IGDCC3: variants seen among roughly 807,000 people sequenced by gnomAD.
The protein encoded by IGDCC3 is immunoglobulin superfamily DCC subclass member 3, also known as putative neuronal cell adhesion molecule.
In IGDCC3, 47 loss-of-function variants were observed where a neutral mutation model predicts 72.0. The observed-to-expected ratio is 0.65, with a 90% CI of 0.52 to 0.83. IGDCC3 has a LOEUF of 0.83. IGDCC3 is among the 40% of genes least tolerant of loss of function. The pLI, the probability that IGDCC3 is intolerant of heterozygous loss-of-function variation, is 0.00. For missense variants in IGDCC3, 1,038 were observed against 1,091.3 expected, an observed-to-expected ratio of 0.95 and a Z score of 0.69; for synonymous variants, 477 against 472.8, an observed-to-expected ratio of 1.01 and a Z score of -0.11.
At chr15:65,345,747 A>G (rs74349146) in intron 2 of IGDCC3, among the ~76,000 whole-genome samples, 2,656 of 152,298 alleles carry the variant, frequency 0.017, 77 homozygotes, top group African/African-American at 0.06. Context: ...AAAGGCCATC[A>G]AGGGGCAAAG....
At chr15:65,368,160 TCACACACACACACACACACA>T (rs57451250) in intron 2 of IGDCC3, among the ~76,000 whole-genome samples, 10 of 146,212 alleles carry the variant, frequency 6.8e-5, no homozygotes, top group South Asian at 2.2e-4. Flanking sequence ...TCTCTTTCAC[TCACACACACACACACACACA>T]CACACACACA....
At chr15:65,364,989 T>G (rs562433355) in intron 2 of IGDCC3, among the ~76,000 whole-genome samples, 1 of 152,256 alleles carries the variant, frequency 6.6e-6, no homozygotes, top group East Asian at 1.9e-4. Flanking sequence ...AGTGAGGCAC[T>G]GGGGAAGGCC....
At chr15:65,336,966 C>T (rs2091035146) in intron 2 of IGDCC3, among the ~76,000 whole-genome samples, 1 of 152,144 alleles carries the variant, frequency 6.6e-6, no homozygotes, top group South Asian at 2.1e-4. Flanking sequence ...CCCCTCGTCT[C>T]AGGCACTCCA....
At chr15:65,357,642 G>C (rs2091233628) in intron 2 of IGDCC3, among the ~76,000 whole-genome samples, 1 of 152,220 alleles carries the variant, frequency 6.6e-6, no homozygotes, top group South Asian at 2.1e-4. Context: ...CCAAGCACTA[G>C]TAGTGACAGT....
At chr15:65,330,829 C>T (rs2090970703) in intron 9 of IGDCC3, 88 bp from the exon 10 acceptor site, 3 of 1,216,600 alleles carry the variant, frequency 2.5e-6, no homozygotes, top group Non-Finnish European at 2.3e-6. Context: ...CCCCCAAAAG[C>T]CTGACAGCCC....
chr15:65,335,443 T>G (rs773943464), intron 3 of IGDCC3, 22 bp from the exon 4 acceptor site: 1 of 1,594,984 alleles, frequency 6.3e-7, no homozygotes. Flanking sequence ...AGGGACATAG[T>G]TGGCCACCAG....
intron 2 of IGDCC3, among the ~76,000 whole-genome samples, chr15:65,366,113 C>T (rs1168638105): frequency 6.2e-4 from 93 of 149,162 alleles, no homozygotes; most frequent in Non-Finnish European, 1.0e-4. Context: ...GAGGCTGAGG[C>T]AGGAGACTCA....
rs1237094382 is a variant in IGDCC3 at position 65,333,435 on chromosome 15, G to A, written c.824-20C>T. On this transcript the variant is annotated intron_variant, in intron 5 of 13. Transcript: ENST00000327987. Reference sequence around the variant, plus strand: ...GACCATCTGCAGAGGAAGGGGAGGGGGGATGGGTGAGGGTCAGATAGAGAT... The same window carrying A: ...GACCATCTGCAGAGGAAGGGGAGGGAGGATGGGTGAGGGTCAGATAGAGAT... 1.3e-6 allele frequency: 2 copies of A among 1,581,512 alleles called. No individual in the cohort carries two copies. Among genetic ancestry groups the A allele is most frequent in the African/African-American group, 1.4e-5 (1 of 73,716 alleles).
chr15:65,355,689 T>G (rs1238279685), intron 2 of IGDCC3: 1 of 364,492 alleles, frequency 2.7e-6, no homozygotes, highest in Admixed American at 3.3e-5. Context: ...ATAGCAATAG[T>G]GTCCGCGCTG....
chr15:65,376,644 T>G (rs1331047252), intron 1 of IGDCC3, among the ~76,000 whole-genome samples: 2 of 123,000 alleles, frequency 1.6e-5, no homozygotes, highest in African/African-American at 3.2e-5. Flanking sequence ...GAAGATGTAA[T>G]GTTTTAAGAC....
At chr15:65,365,267 T>C (rs754045873) in intron 2 of IGDCC3, among the ~76,000 whole-genome samples, 5 of 152,018 alleles carry the variant, frequency 3.3e-5, no homozygotes, top group Non-Finnish European at 5.9e-5. Context: ...CTTGTGTCTC[T>C]CTCACGGTGG....
chr15:65,367,209 G>GGT (rs559285273), intron 2 of IGDCC3, among the ~76,000 whole-genome samples: 368 of 152,192 alleles, frequency 2.4e-3, no homozygotes, highest in Non-Finnish European at 4.0e-3. Flanking sequence ...AGCCAGGTGT[G>GGT]GTGGTGCATG....
At chr15:65,337,275 C>T (rs771156591) in intron 2 of IGDCC3, among the ~76,000 whole-genome samples, 1 of 152,282 alleles carries the variant, frequency 6.6e-6, no homozygotes, top group South Asian at 2.1e-4. Context: ...TAAAAATCAC[C>T]GCCCTGCCTC....
intron 2 of IGDCC3, among the ~76,000 whole-genome samples, chr15:65,367,043 A>G (rs1395001534): frequency 6.6e-6 from 1 of 152,196 alleles, no homozygotes; most frequent in Admixed American, 6.5e-5. Context: ...CACCCATTGA[A>G]TAAGAAAACT....
rs1050978937 is a variant in IGDCC3 at position 65,377,561 on chromosome 15, C to T, written c.103+125G>A. The T allele has an allele frequency of 1.2e-5, 12 of 993,796 alleles. No individual in the cohort carries two copies. Among genetic ancestry groups the T allele is most frequent in the Non-Finnish European group, 1.6e-5 (12 of 768,840 alleles). 61.6% of individuals were successfully genotyped at this position (993,796 alleles called of 1,614,324 possible). A position where few individuals can be genotyped will look rare whatever the true frequency, so the allele number is the denominator to read the frequency against. The stretch of plus-strand genomic sequence containing the variant: ...CCGTCCGGATCCGCAGGGTCCCCCC[C>T]GCGCGGGGTCCGCCCTCAGGTCCGC... On this transcript the variant is annotated intron_variant, in intron 1 of 13. Coordinates refer to ENST00000327987, the MANE Select transcript of IGDCC3 (RefSeq NM_004884.4). The surrounding 1 kb of genome is among the most constrained non-coding windows in gnomAD (Gnocchi z 4.9).
At chr15:65,348,398 G>T (rs1196738444) in intron 2 of IGDCC3, among the ~76,000 whole-genome samples, 1 of 152,216 alleles carries the variant, frequency 6.6e-6, no homozygotes, top group African/African-American at 2.4e-5. Flanking sequence ...ATCACAGAAG[G>T]ATTATAGTGC....
At position 65,330,331 on chromosome 15, in the gene IGDCC3, A is replaced by G; in HGVS notation, c.1820T>C (p.Val607Ala). Residue 607 changes from valine (V) to alanine (A), a missense_variant, in exon 11 of 14, where the codon GTC becomes GCC. Val to Ala is a moderately conservative substitution (Grantham distance 64, BLOSUM62 0). Transcript: ENST00000327987. ...TGCTCCCCTCAAAGACACAAAGCGG[A>G]CTGTGGCATTGCCATCTCCATGCTG... ...YNQHGDGNAT[V>A]RFVSLRGASE... 6.2e-7 allele frequency: 1 copy of G among 1,614,006 alleles called. No homozygotes were observed.
At chr15:65,348,492 C>T (rs1457592420) in intron 2 of IGDCC3, among the ~76,000 whole-genome samples, 5 of 152,206 alleles carry the variant, frequency 3.3e-5, no homozygotes, top group South Asian at 4.2e-4. Flanking sequence ...GGGACGATAC[C>T]GAGGAGACAC....
At chr15:65,353,534 G>A (rs1465823835) in intron 2 of IGDCC3, among the ~76,000 whole-genome samples, 1 of 152,190 alleles carries the variant, frequency 6.6e-6, no homozygotes, top group East Asian at 1.9e-4. Context: ...ACAGGCGTGA[G>A]CCACCGTGCC....
Sources: gnomAD v4.1 joint callset for allele counts (sites outside exome capture counted in the v4.1 genomes callset) on GRCh38, gnomAD v4.1.1 for gene constraint, Gnocchi (gnomAD v3.1) non-coding constraint, MANE v1.5 for transcripts, NCBI Gene and HGNC (gene_info 2026-07-23, HGNC 2026-07-21) for gene names.